Variants in AGBL5 observed in about 807,000 individuals in gnomAD.
AGBL5 encodes AGBL carboxypeptidase 5.
Under a neutral mutation model 88.0 loss-of-function variants are expected in AGBL5, and 51 were observed. That is an observed-to-expected ratio of 0.58 (90% CI 0.46 to 0.73). The LOEUF is 0.73. AGBL5 is among the 30% of genes least tolerant of loss of function. The pLI is 0.00. For missense variants in AGBL5, 1,031 were observed against 1,162.2 expected, an observed-to-expected ratio of 0.89 and a Z score of 1.64; for synonymous variants, 446 against 438.8, an observed-to-expected ratio of 1.02 and a Z score of -0.21.
rs1572812705 is a variant in AGBL5 at position 27,053,645 on chromosome 2, T to C, written c.387+72T>C. 20 of 1,534,158 alleles carry C rather than the reference T, an allele frequency of 1.3e-5. No individual in the cohort carries two copies. The highest frequency in any genetic ancestry group is 2.3e-4 in the Middle Eastern group (1 of 4,412). ...GAGAGGAAAGTAAAGCGTTTTTTTT[T>C]CCTTGATACAAGTATGAAGCAGGTG... On this transcript the variant is annotated intron_variant, in intron 3 of 14. Coordinates refer to ENST00000360131, the MANE Select transcript of AGBL5 (RefSeq NM_021831.6). This position sits in a 1 kb window ranked among gnomAD's most constrained non-coding sequence, Gnocchi z 4.9.
In AGBL5 at chr2:27,053,493, T is replaced by A. The variant is rs757544232; in HGVS notation, c.307T>A (p.Ser103Thr). 6.2e-7 allele frequency: 1 copy of A among 1,614,112 alleles called. No individual in the cohort carries two copies. Among genetic ancestry groups the A allele is most frequent in the East Asian group, 2.2e-5 (1 of 44,880 alleles). ...CATGAACAAGCAGAGCAAGCTGTAT[T>A]CCCAGGGCATGGCCCCCTTTGTGCG... ...MNMNKQSKLYSQGMAPFVRTL... is the reference protein window; with the variant it reads ...MNMNKQSKLYTQGMAPFVRTL... Residue 103 changes from serine to threonine, a missense_variant, in exon 3 of 15, where the codon TCC becomes ACC. By Grantham distance (58) the Ser-to-Thr change is moderately conservative. Transcript: ENST00000360131. This position sits in a 1 kb window ranked among gnomAD's most constrained non-coding sequence, Gnocchi z 4.9.
In AGBL5 at chr2:27,053,045, C is replaced by T; in HGVS notation, c.87C>T (p.Ser29=). 1 of 1,613,808 alleles carries T rather than the reference C, an allele frequency of 6.2e-7. No homozygotes were observed. The highest frequency in any genetic ancestry group is 8.5e-7 in the Non-Finnish European group (1 of 1,179,882). ...LAHVEKVESL[S]SDGEGVGGGA... is the part of the protein sequence containing the mutation. ...ACGTGGAGAAGGTGGAATCTTTGTC[C>T]AGTGATGGGGAAGGGGTAGGAGGTG... is the stretch of plus-strand genomic sequence containing the variant. Residue 29 remains serine (S), a synonymous_variant, in exon 2 of 15, where the codon TCC becomes TCT. Transcript: ENST00000360131. This position sits in a 1 kb window ranked among gnomAD's most constrained non-coding sequence, Gnocchi z 4.9.
chr2:27,062,013 T>C (rs1234166447), intron 11 of AGBL5, among the ~76,000 whole-genome samples: 17 of 151,952 alleles, frequency 1.1e-4, no homozygotes, highest in Non-Finnish European at 2.9e-5. Context: ...AAGATTTCAC[T>C]ATGTTCGCTA....
At chr2:27,064,323 T>TCTCGC (rs1668870894) in intron 11 of AGBL5, among the ~76,000 whole-genome samples, 1 of 149,906 alleles carries the variant, frequency 6.7e-6, no homozygotes, top group Non-Finnish European at 1.5e-5. Context: ...TTTGAGACAG[T>TCTCGC]CTCGCTCTGT....
chr2:27,057,335 G>T lies in AGBL5; in HGVS notation c.1568G>T (p.Arg523Leu). The change falls in exon 9 of 15, where the codon CGC (arginine) becomes CTC (leucine). Residue 523 changes from arginine to leucine, a missense_variant. Around this residue, in one of 2 missense-constraint regions of AGBL5, gnomAD observed 491 missense variants for 484.0 expected, o/e 1.01. Coordinates refer to ENST00000360131, the MANE Select transcript of AGBL5 (RefSeq NM_021831.6). ...CTTGAATGCAACTACAACACTGGAC[G>T]CTCAGTAAACAGCATCCCTGCTGCC... is the stretch of plus-strand genomic sequence containing the variant. ...YTLECNYNTG[R>L]SVNSIPAACH... 1 of 1,613,858 alleles carries T rather than the reference G, an allele frequency of 6.2e-7. No homozygotes were observed. Among genetic ancestry groups the T allele is most frequent in the East Asian group, 2.2e-5 (1 of 44,864 alleles).
At chr2:27,067,745 C>T (rs1669068059) in intron 12 of AGBL5, 99 bp downstream of exon 12, 1 of 1,319,154 alleles carries the variant, frequency 7.6e-7, no homozygotes, top group Non-Finnish European at 1.1e-6. Context: ...CATCACTTAT[C>T]CTCTTGGTAT....
In AGBL5 at chr2:27,055,970, C is replaced by T. The variant is rs1668409268; in HGVS notation, c.1197C>T (p.Leu399=). 1.9e-6 allele frequency: 3 copies of T among 1,614,108 alleles called. No homozygotes were observed. Among genetic ancestry groups the T allele is most frequent in the Admixed American group, 1.7e-5 (1 of 59,990 alleles). Residue 399 remains leucine, a synonymous_variant, in exon 7 of 15, where the codon CTC becomes CTT. Transcript: ENST00000360131. The part of the protein sequence containing the change: ...WKQTEPAEQK[L]NSVWIMPQQS... ...AAACAGAGCCAGCAGAACAGAAGCT[C>T]AACAGTGTGTGGATTATGCCACAAC...
At chr2:27,068,773 A>G (rs1285894394) in intron 13 of AGBL5, 29 bp downstream of exon 13, 10 of 1,612,044 alleles carry the variant, frequency 6.2e-6, no homozygotes, top group Non-Finnish European at 7.6e-6. Context: ...CAGCATAGCT[A>G]CTCTGGCAGA....
At chr2:27,050,789 T>A (rs1351288640), upstream of AGBL5, among the ~76,000 whole-genome samples, 7 of 152,238 alleles carry the variant, frequency 4.6e-5, no homozygotes, top group African/African-American at 1.7e-4. Flanking sequence ...GAGCCTTCGA[T>A]AGCTCAGTTG....
rs1668446622 is a variant in AGBL5 at position 27,056,676 on chromosome 2, C to T, written c.1419C>T (p.Asp473=). 6.2e-7 allele frequency: 1 copy of T among 1,613,688 alleles called. No homozygotes were observed. The change falls in exon 8 of 15, where the codon GAC becomes GAT. Residue 473 remains aspartate (D), a synonymous_variant. Transcript: ENST00000360131. ...KLISLNSAHF[D]FQGCNFSEKN... The stretch of plus-strand genomic sequence containing the variant: ...TCTCCTTGAATTCAGCCCACTTCGA[C>T]TTCCAGGGCTGCAATTTCTCAGAGA...
chr2:27,055,361 A>G, intron 6 of AGBL5, 108 bp downstream of exon 6: 2 of 1,412,936 alleles, frequency 1.4e-6, no homozygotes, highest in Non-Finnish European at 9.7e-7. Flanking sequence ...GTCCTCTTGC[A>G]CCCTAATAAA....
Position 27,057,406 on chromosome 2 carries a change from C to T in AGBL5, c.1639C>T (p.Pro547Ser), listed in dbSNP as rs762808695. Residue 547 changes from proline to serine, a missense_variant, in exon 9 of 15, where the codon CCC (proline) becomes TCC (serine). Physicochemically the swap from Pro to Ser is moderately conservative, Grantham distance 74 (BLOSUM62 -1). This residue lies in a region of AGBL5 where 491 missense variants were observed against 484.0 expected (regional missense o/e 1.01). Transcript: ENST00000360131. ...CAGCCCCCCTCCCCCGCCGGCTTTC[C>T]CCTCCAGATACACTGTGGAACTATT... ...RASPPPPPAF[P>S]SRYTVELFEQ... The T allele has an allele frequency of 7.4e-6, 12 of 1,613,624 alleles. No homozygotes were observed. In the Admixed American group the frequency reaches 1.7e-4, roughly 22 times the overall value.
In AGBL5 at chr2:27,055,998, T is replaced by A. The variant is rs1458377001; in HGVS notation, c.1225T>A (p.Ser409Thr). ...LNSVWIMPQQ[S>T]AGLEESAPDT... is the part of the protein sequence containing the mutation. ...CAGTGTGTGGATTATGCCACAACAG[T>A]CTGCGGGGCTTGAAGAGTCAGCCCC... Residue 409 changes from serine to threonine, a missense_variant, in exon 7 of 15, where the codon TCT becomes ACT. By Grantham distance (58) the Ser-to-Thr change is moderately conservative (BLOSUM62 1). This residue lies in a region of AGBL5 where 540 missense variants were observed against 678.2 expected (regional missense o/e 0.80). Transcript: ENST00000360131. 1 of 1,614,158 alleles carries A rather than the reference T, an allele frequency of 6.2e-7. No homozygotes were observed. The highest frequency in any genetic ancestry group is 8.5e-7 in the Non-Finnish European group (1 of 1,180,016).
rs916435727 is a variant in AGBL5 at position 27,053,264 on chromosome 2, C to T, written c.215+91C>T. On this transcript the variant is annotated intron_variant, in intron 2 of 14. Transcript: ENST00000360131. This position sits in a 1 kb window ranked among gnomAD's most constrained non-coding sequence, Gnocchi z 4.9. ...TATCTGTTCATACCCAGCATACTCCCTGTCCATTTCTGACCCATCGTCCCT... is the reference window on the plus strand; with the variant it reads ...TATCTGTTCATACCCAGCATACTCCTTGTCCATTTCTGACCCATCGTCCCT... The T allele has an allele frequency of 1.2e-5, 18 of 1,515,218 alleles. No homozygotes were observed. Among genetic ancestry groups the T allele is most frequent in the Non-Finnish European group, 1.6e-5 (18 of 1,119,180 alleles). 93.9% of individuals were successfully genotyped at this position (1,515,218 alleles called of 1,614,324 possible).
rs1669226336 is a variant in AGBL5 at position 27,070,332 on chromosome 2, C to T, written c.*69C>T. ...GTAACAGTGGGAAATATGCTAGTTCCCCTCCAGGCCGCTGATTCCATGTGA... is the reference window on the plus strand; with the variant it reads ...GTAACAGTGGGAAATATGCTAGTTCTCCTCCAGGCCGCTGATTCCATGTGA... On this transcript the variant is annotated 3_prime_UTR_variant, in exon 15 of 15. Transcript: ENST00000360131. 3.3e-6 allele frequency: 5 copies of T among 1,507,990 alleles called. No homozygotes were observed. Among genetic ancestry groups the T allele is most frequent in the Admixed American group, 1.7e-5 (1 of 58,768 alleles). The allele number at this position is 1,507,990 out of a possible 1,614,324, so 93.4% of individuals were successfully genotyped here.
intron 13 of AGBL5, chr2:27,069,281 TAC>T (rs1183874962): frequency 1.0e-5 from 10 of 985,436 alleles, no homozygotes; most frequent in Non-Finnish European, 1.2e-5. Context: ...ACTATCTTTC[TAC>T]ACAGTGTTTC....
In AGBL5 at chr2:27,059,379, C is replaced by T. The variant is rs748557737; in HGVS notation, c.2064C>T (p.Thr688=). The T allele has an allele frequency of 1.2e-6, 2 of 1,614,208 alleles. No homozygotes were observed. Among genetic ancestry groups the T allele is most frequent in the South Asian group, 2.2e-5 (2 of 91,084 alleles). The part of the protein sequence containing the change: ...PGLGSSTQKV[T]HRVLGPVREP... The stretch of plus-strand genomic sequence containing the variant: ...TGGGCTCTAGTACCCAAAAGGTCAC[C>T]CACCGGGTGCTGGGCCCCGTCAGAG... Residue 688 remains threonine (T), a synonymous_variant, in exon 11 of 15, where the codon ACC becomes ACT. Coordinates refer to ENST00000360131, the MANE Select transcript of AGBL5 (RefSeq NM_021831.6).
chr2:27,055,764 G>C lies in AGBL5; in HGVS notation c.991G>C (p.Ala331Pro). The part of the protein sequence containing the change: ...VLHPAIYGAK[A>P]VLLYHHVHSR... ...GCACCCGGCCATCTATGGGGCCAAAGCTGTGCTTCTCTACCACCATGTGCA... is the reference window on the plus strand; with the variant it reads ...GCACCCGGCCATCTATGGGGCCAAACCTGTGCTTCTCTACCACCATGTGCA... Residue 331 changes from alanine (A) to proline (P), a missense_variant, in exon 7 of 15, where the codon GCT (alanine) becomes CCT (proline). Coordinates refer to ENST00000360131, the MANE Select transcript of AGBL5 (RefSeq NM_021831.6). The C allele has an allele frequency of 6.2e-7, 1 of 1,614,146 alleles. No homozygotes were observed. Among genetic ancestry groups the C allele is most frequent in the Non-Finnish European group, 8.5e-7 (1 of 1,180,034 alleles).
At position 27,052,183 on chromosome 2, in the gene AGBL5, G is replaced by C. The variant is rs1261915645; in HGVS notation, c.-47+390G>C. On this transcript the variant is annotated intron_variant, in intron 1 of 14. Coordinates refer to ENST00000360131, the MANE Select transcript of AGBL5 (RefSeq NM_021831.6). ...ACCCATTACTCATCCACAGCTACTA[G>C]GGTAGCTTTCTCAGGGTGCAGTGCT... 9 of 152,296 alleles carry C rather than the reference G, an allele frequency of 5.9e-5. No homozygotes were observed. In the East Asian group the frequency reaches 1.5e-3, roughly 26 times the overall value. The allele number at this position is 152,296 out of a possible 1,614,324, so 9.4% of individuals were successfully genotyped here.
Sources: allele counts gnomAD v4.1 joint callset (sites outside exome capture counted in the v4.1 genomes callset), GRCh38; gene constraint gnomAD v4.1.1; regional missense constraint gnomAD v4.1.1; non-coding constraint Gnocchi (gnomAD v3.1); transcripts MANE v1.5; gene names NCBI Gene and HGNC (gene_info 2026-07-23, HGNC 2026-07-21).